R3HCC1L: variants seen among roughly 807,000 people sequenced by gnomAD.
The protein encoded by R3HCC1L is R3H domain and coiled-coil containing 1 like, also known as coiled-coil domain-containing protein R3HCC1L.
Under a neutral mutation model 59.9 loss-of-function variants are expected in R3HCC1L, and 51 were observed. The observed-to-expected ratio is 0.85, with a 90% CI of 0.68 to 1.07. The LOEUF is 1.07. R3HCC1L is among the 50% of genes least tolerant of loss of function. R3HCC1L has a pLI of 0.00. For missense variants in R3HCC1L, 965 were observed against 933.0 expected, an observed-to-expected ratio of 1.03 and a Z score of -0.45; for synonymous variants, 322 against 315.2, an observed-to-expected ratio of 1.02 and a Z score of -0.23.
At chr10:98,226,226 G>C (rs1308687240) in intron 5 of R3HCC1L, among the ~76,000 whole-genome samples, 1 of 152,168 alleles carries the variant, frequency 6.6e-6, no homozygotes, top group Non-Finnish European at 1.5e-5. Context: ...CCCAATTTAT[G>C]AATGTACAAA....
At chr10:98,200,311 C>T (rs1357055207) in intron 4 of R3HCC1L, among the ~76,000 whole-genome samples, 1 of 152,056 alleles carries the variant, frequency 6.6e-6, no homozygotes. Flanking sequence ...AACCAGGATA[C>T]ATGGTTGCAA....
At position 98,208,991 on chromosome 10, in the gene R3HCC1L, G is replaced by GC. The variant is rs781399653; in HGVS notation, c.879dup (p.Asn294GlnfsTer2). On this transcript the variant is annotated frameshift_variant, in exon 5 of 10. Coordinates refer to ENST00000298999, the MANE Select transcript of R3HCC1L (RefSeq NM_001351015.2). LOFTEE classifies it high-confidence loss of function. ...TGAAGTTGAGAGTGTAGGTGGTATA[G>GC]CCAATAGTACAGGTTTCATCTTAGA... The GC allele has an allele frequency of 5.0e-6, 8 of 1,613,814 alleles. No individual in the cohort carries two copies. The highest frequency in any genetic ancestry group is 6.8e-6 in the Non-Finnish European group (8 of 1,179,884).
At chr10:98,173,449 T>C (rs1437653338) in intron 4 of R3HCC1L, among the ~76,000 whole-genome samples, 2 of 152,190 alleles carry the variant, frequency 1.3e-5, no homozygotes. Context: ...GAGCCTAATG[T>C]ACCGGAGATG....
chr10:98,178,970 T>C (rs952514013), intron 4 of R3HCC1L, among the ~76,000 whole-genome samples: 1 of 152,148 alleles, frequency 6.6e-6, no homozygotes, highest in African/African-American at 2.4e-5. Context: ...TGGGCTGAGT[T>C]GATGGGGTTT....
chr10:98,201,326 T>C (rs1852023640), intron 4 of R3HCC1L, among the ~76,000 whole-genome samples: 1 of 152,210 alleles, frequency 6.6e-6, no homozygotes. Flanking sequence ...TAAATATCTT[T>C]CTGTTGCATA....
chr10:98,230,366 C>T (rs1323302818), intron 5 of R3HCC1L, among the ~76,000 whole-genome samples: 1 of 152,052 alleles, frequency 6.6e-6, no homozygotes, highest in African/African-American at 2.4e-5. Context: ...AGTTTATTTG[C>T]GTAGAGGTGT....
At chr10:98,144,057 A>ATTTTGTGGGAC (rs779194694) in intron 1 of R3HCC1L, among the ~76,000 whole-genome samples, 22 of 152,086 alleles carry the variant, frequency 1.4e-4, no homozygotes, top group Non-Finnish European at 2.6e-4. Flanking sequence ...TAATCCCAGC[A>ATTTTGTGGGAC]TTTTGTGGGG....
At chr10:98,139,245 A>G (rs907510709) in intron 1 of R3HCC1L, among the ~76,000 whole-genome samples, 9 of 152,272 alleles carry the variant, frequency 5.9e-5, no homozygotes, top group African/African-American at 2.2e-4. Flanking sequence ...CTCATTAGAC[A>G]TAAGTAAATG....
At chr10:98,235,754 C>T (rs1457270069) in intron 8 of R3HCC1L, among the ~76,000 whole-genome samples, 1 of 152,226 alleles carries the variant, frequency 6.6e-6, no homozygotes, top group South Asian at 2.1e-4. Context: ...CAATCAGTTT[C>T]TGATGACATC....
chr10:98,197,206 TG>T (rs1851527943), intron 4 of R3HCC1L, among the ~76,000 whole-genome samples: 1 of 124,068 alleles, frequency 8.1e-6, no homozygotes, highest in Non-Finnish European at 1.8e-5. Context: ...CAAGCCACCA[TG>T]CCCCCCCCTC....
chr10:98,231,669 G>A lies in R3HCC1L; in HGVS notation c.1943G>A (p.Arg648Gln). 4 of 1,610,030 alleles carry A rather than the reference G, an allele frequency of 2.5e-6. No individual in the cohort carries two copies. The highest frequency in any genetic ancestry group is 8.5e-7 in the Non-Finnish European group (1 of 1,177,402). The change falls in exon 6 of 10, where the codon CGG becomes CAG. Residue 648 changes from arginine to glutamine, a missense_variant. Physicochemically the swap from Arg to Gln is conservative, Grantham distance 43. Transcript: ENST00000298999. The part of the protein sequence containing the change: ...PQEFHTEDLL[R>Q]VFCSYQKKGF... ...GAATTTCATACTGAAGACCTTCTACGGGTTTTCTGCAGTTATCAGTGAGTA... is the reference window on the plus strand; with the variant it reads ...GAATTTCATACTGAAGACCTTCTACAGGTTTTCTGCAGTTATCAGTGAGTA...
At chr10:98,229,754 C>T (rs1273436343) in intron 5 of R3HCC1L, among the ~76,000 whole-genome samples, 1 of 152,132 alleles carries the variant, frequency 6.6e-6, no homozygotes, top group East Asian at 1.9e-4. Context: ...AGATACGTCC[C>T]ATCAATACCT....
chr10:98,222,945 T>C (rs1855210739), intron 5 of R3HCC1L, among the ~76,000 whole-genome samples: 1 of 152,008 alleles, frequency 6.6e-6, no homozygotes, highest in Non-Finnish European at 1.5e-5. Flanking sequence ...CTAGAAGAAA[T>C]GGATAAATTC....
At chr10:98,181,787 T>C (rs1353330382) in intron 4 of R3HCC1L, among the ~76,000 whole-genome samples, 1 of 152,242 alleles carries the variant, frequency 6.6e-6, no homozygotes, top group Non-Finnish European at 1.5e-5. Context: ...ATACCCTTTA[T>C]TCCAGTTGAT....
At chr10:98,197,731 G>A (rs1238951717) in intron 4 of R3HCC1L, among the ~76,000 whole-genome samples, 1 of 152,168 alleles carries the variant, frequency 6.6e-6, no homozygotes, top group Non-Finnish European at 1.5e-5. Context: ...AAGAAGAGAG[G>A]CAGATGTGCA....
At chr10:98,183,932 G>GT (rs989982938) in intron 4 of R3HCC1L, among the ~76,000 whole-genome samples, 25 of 107,182 alleles carry the variant, frequency 2.3e-4, no homozygotes, top group East Asian at 1.2e-3. Flanking sequence ...CTATTGTTTT[G>GT]TTTTTTTTTC....
In R3HCC1L at chr10:98,231,662, C is replaced by T. The variant is rs150584310; in HGVS notation, c.1936C>T (p.Leu646Phe). Residue 646 changes from leucine to phenylalanine, a missense_variant, in exon 6 of 10, where the codon CTT becomes TTT. Physicochemically the swap from Leu to Phe is conservative, Grantham distance 22. Coordinates refer to ENST00000298999, the MANE Select transcript of R3HCC1L (RefSeq NM_001351015.2). The stretch of plus-strand genomic sequence containing the variant: ...TCCCCAAGAATTTCATACTGAAGAC[C>T]TTCTACGGGTTTTCTGCAGTTATCA... ...DFPQEFHTED[L>F]LRVFCSYQKK... 3.6e-5 allele frequency: 58 copies of T among 1,610,656 alleles called. No individual in the cohort carries two copies. In the African/African-American group the frequency reaches 5.8e-4, roughly 16 times the overall value.
In R3HCC1L at chr10:98,143,599, G is replaced by A. The variant is rs541104698; in HGVS notation, c.-268+8893G>A. On this transcript the variant is annotated intron_variant, in intron 1 of 9. Coordinates refer to ENST00000298999, the MANE Select transcript of R3HCC1L (RefSeq NM_001351015.2). ...TTCTAACACTTTGGTGAAGGACAGTGCTTCAAAAATTAGGATAAGATCTTG... is the reference window on the plus strand; with the variant it reads ...TTCTAACACTTTGGTGAAGGACAGTACTTCAAAAATTAGGATAAGATCTTG... Among the ~76,000 whole-genome samples the A allele has an allele frequency of 4.6e-5, 7 of 152,286 alleles. No homozygotes were observed. The South Asian group carries it at 1.5e-3, about 32-fold the overall frequency.
intron 4 of R3HCC1L, among the ~76,000 whole-genome samples, chr10:98,202,876 A>T (rs1488586998): frequency 6.6e-6 from 1 of 150,840 alleles, no homozygotes; most frequent in Non-Finnish European, 1.5e-5. Context: ...AAAAAAATAG[A>T]GTGGGGAGGG....
Sources: allele counts gnomAD v4.1 joint callset (sites outside exome capture counted in the v4.1 genomes callset), GRCh38; gene constraint gnomAD v4.1.1; transcripts MANE v1.5; gene names NCBI Gene and HGNC (gene_info 2026-07-23, HGNC 2026-07-21).